TENM2: variants seen among roughly 807,000 people sequenced by gnomAD.
TENM2 encodes the protein teneurin transmembrane protein 2.
Under a neutral mutation model 245.2 loss-of-function variants are expected in TENM2, and 52 were observed. That is an observed-to-expected ratio of 0.21 (90% CI 0.17 to 0.27). The LOEUF (loss-of-function observed/expected upper bound fraction) is 0.27. Among genes scored for constraint, TENM2 ranks in the 10% least tolerant of loss-of-function variants. TENM2 has a pLI of 1.00. For synonymous variants in TENM2, 1,363 were observed against 1,438.9 expected, an observed-to-expected ratio of 0.95 and a Z score of 1.19; for missense variants, 3,046 against 3,666.8, an observed-to-expected ratio of 0.83 and a Z score of 4.37.
At chr5:167,185,467 G>A in the TENM2 span, among the ~76,000 whole-genome samples, 2 of 151,930 alleles carry the variant, frequency 1.3e-5, no homozygotes, top group Non-Finnish European at 2.9e-5. Context: ...CTATTTTTGA[G>A]TGAGGCTTTT....
intron 2 of TENM2, among the ~76,000 whole-genome samples, chr5:167,452,031 T>TA (rs1399059393): frequency 6.6e-6 from 1 of 152,134 alleles, no homozygotes; most frequent in Non-Finnish European, 1.5e-5. Flanking sequence ...TTCTATAACT[T>TA]AAAAAGAACT....
the TENM2 span, among the ~76,000 whole-genome samples, chr5:167,015,529 G>T: frequency 1.3e-5 from 2 of 152,108 alleles, no homozygotes; most frequent in Non-Finnish European, 2.9e-5. Flanking sequence ...GTACTTCCCA[G>T]AATTACTGGG....
chr5:168,185,525 T>A (rs1295981313), intron 13 of TENM2, among the ~76,000 whole-genome samples: 1 of 152,136 alleles, frequency 6.6e-6, no homozygotes, highest in Non-Finnish European at 1.5e-5. Flanking sequence ...GAGCAGTTAA[T>A]TGCCCATGGT....
intron 2 of TENM2, among the ~76,000 whole-genome samples, chr5:167,838,395 C>T (rs547380594): frequency 4.2e-4 from 64 of 152,230 alleles, no homozygotes; most frequent in African/African-American, 1.2e-3. Flanking sequence ...TGTATGAATG[C>T]GTTCAAAGTG....
At chr5:167,105,458 C>A in the TENM2 span, among the ~76,000 whole-genome samples, 1 of 152,146 alleles carries the variant, frequency 6.6e-6, no homozygotes, top group Non-Finnish European at 1.5e-5. Flanking sequence ...ACATTTTAAC[C>A]CTTCAAATGT....
At chr5:167,698,335 T>G (rs1326274735) in intron 2 of TENM2, among the ~76,000 whole-genome samples, 1 of 152,226 alleles carries the variant, frequency 6.6e-6, no homozygotes, top group Admixed American at 6.5e-5. Flanking sequence ...AAGCCCAGCC[T>G]GTCATAGACC....
intron 1 of TENM2, among the ~76,000 whole-genome samples, chr5:167,317,590 A>G (rs1385225486): frequency 6.6e-6 from 1 of 152,198 alleles, no homozygotes; most frequent in African/African-American, 2.4e-5. Flanking sequence ...CTCCACTGTC[A>G]AGAGCAATCT....
chr5:167,072,836 A>G, the TENM2 span, among the ~76,000 whole-genome samples: 1 of 152,220 alleles, frequency 6.6e-6, no homozygotes, highest in Non-Finnish European at 1.5e-5. Context: ...TTAAGATGAA[A>G]TAAATTATTT....
At chr5:167,113,529 G>A in the TENM2 span, among the ~76,000 whole-genome samples, 9 of 151,718 alleles carry the variant, frequency 5.9e-5, no homozygotes, top group Non-Finnish European at 1.3e-4. Context: ...TGTAGTCCCA[G>A]TTACTTGGGA....
At chr5:167,301,462 A>G (rs970021047) in intron 1 of TENM2, among the ~76,000 whole-genome samples, 1 of 152,202 alleles carries the variant, frequency 6.6e-6, no homozygotes, top group Non-Finnish European at 1.5e-5. Context: ...CAGTGGAGGC[A>G]AGGAATTGCA....
intron 2 of TENM2, among the ~76,000 whole-genome samples, chr5:167,485,052 G>T (rs76242236): frequency 6.6e-6 from 1 of 152,156 alleles, no homozygotes; most frequent in African/African-American, 2.4e-5. Context: ...TTTACTTTAG[G>T]CAGCTTAGGT....
intron 7 of TENM2, among the ~76,000 whole-genome samples, chr5:168,071,431 T>C (rs961147796): frequency 1.3e-5 from 2 of 152,202 alleles, no homozygotes; most frequent in African/African-American, 4.8e-5. Flanking sequence ...TTAACATTTT[T>C]TAGTATATTT....
chr5:168,227,203 G>A lies in TENM2; in HGVS notation c.5285-692G>A, dbSNP rs1355624933. Among the ~76,000 whole-genome samples, 8 of 152,118 alleles carry A rather than the reference G, an allele frequency of 5.3e-5. No homozygotes were observed. The East Asian group carries it at 7.7e-4, about 15-fold the overall frequency. On this transcript the variant is annotated intron_variant, in intron 24 of 28. Coordinates refer to ENST00000518659, the Ensembl canonical transcript of TENM2. ...TCACATTTCCTTCCCGTAACTTTTCGGTAAAGGAAAAGGTCAGACGTCTGA... is the reference window on the plus strand; with the variant it reads ...TCACATTTCCTTCCCGTAACTTTTCAGTAAAGGAAAAGGTCAGACGTCTGA...
chr5:167,984,393 C>T (rs547767406), intron 4 of TENM2, among the ~76,000 whole-genome samples: 5 of 152,292 alleles, frequency 3.3e-5, no homozygotes, highest in African/African-American at 1.2e-4. Flanking sequence ...TGCAGTGGCT[C>T]ATGCCCGTAA....
At chr5:167,938,825 C>T (rs1443342590) in intron 3 of TENM2, among the ~76,000 whole-genome samples, 1 of 152,014 alleles carries the variant, frequency 6.6e-6, no homozygotes, top group Non-Finnish European at 1.5e-5. Context: ...CGCCTGCAGT[C>T]CCAGCTACTT....
intron 2 of TENM2, among the ~76,000 whole-genome samples, chr5:167,740,672 T>G (rs1217799837): frequency 6.6e-6 from 1 of 152,196 alleles, no homozygotes; most frequent in Non-Finnish European, 1.5e-5. Context: ...GAATAACACT[T>G]TAGCCTCAGT....
intron 27 of TENM2, among the ~76,000 whole-genome samples, chr5:168,249,691 G>A (rs539307618): frequency 5.3e-5 from 8 of 152,070 alleles, no homozygotes; most frequent in South Asian, 2.1e-4. Context: ...TGTGATAAGT[G>A]AGAAATGGGT....
chr5:167,559,284 G>A (rs779642570), intron 2 of TENM2, among the ~76,000 whole-genome samples: 5 of 152,266 alleles, frequency 3.3e-5, no homozygotes, highest in African/African-American at 4.8e-5. Context: ...CCTGCAATGT[G>A]GATGGAGAAT....
chr5:167,716,659 A>G (rs1759279710), intron 2 of TENM2, among the ~76,000 whole-genome samples: 1 of 152,208 alleles, frequency 6.6e-6, no homozygotes, highest in Admixed American at 6.5e-5. Context: ...AAAATAGCCA[A>G]AAATAAAATA....
Sources: allele counts gnomAD v4.1 joint callset (sites outside exome capture counted in the v4.1 genomes callset), GRCh38; gene constraint gnomAD v4.1.1; transcripts MANE v1.5; gene names NCBI Gene and HGNC (gene_info 2026-07-23, HGNC 2026-07-21).